UBE2Q2: variants seen among roughly 807,000 people sequenced by gnomAD.
UBE2Q2 encodes the protein ubiquitin-conjugating enzyme E2 Q2.
In UBE2Q2, 54 loss-of-function variants were observed where a neutral mutation model predicts 59.9. That is an observed-to-expected ratio of 0.90 (90% confidence interval 0.72 to 1.13). The LOEUF (loss-of-function observed/expected upper bound fraction) is 1.13, where lower values mean the gene tolerates loss of function less well. UBE2Q2 is among the 50% of genes most tolerant of loss of function. The pLI is 0.00. For missense variants in UBE2Q2, 433 were observed against 441.9 expected (o/e 0.98, Z 0.18); for synonymous variants, 165 against 155.2 (o/e 1.06, Z -0.47).
At chr15:75,864,157 C>G (rs1451563615) in intron 3 of UBE2Q2, among the ~76,000 whole-genome samples, 1 of 152,070 alleles carries the variant, frequency 6.6e-6, no homozygotes, top group African/African-American at 2.4e-5. Flanking sequence ...ATTTTTACTT[C>G]TATATTAAGT....
chr15:75,849,182 TGTC>T (rs1896508931), intron 1 of UBE2Q2, among the ~76,000 whole-genome samples: 3 of 152,242 alleles, frequency 2.0e-5, no homozygotes, highest in Admixed American at 2.0e-4. Flanking sequence ...TATCTTTTGT[TGTC>T]AGAGCAGTTA....
chr15:75,865,854 G>A (rs1897442263), intron 3 of UBE2Q2, among the ~76,000 whole-genome samples: 1 of 151,364 alleles, frequency 6.6e-6, no homozygotes, highest in African/African-American at 2.4e-5. Context: ...TGCATGGAGA[G>A]TGTCCCTTGA....
At chr15:75,891,436 C>A (rs941364606) in intron 11 of UBE2Q2, among the ~76,000 whole-genome samples, 1 of 146,906 alleles carries the variant, frequency 6.8e-6, no homozygotes, top group African/African-American at 2.5e-5. Flanking sequence ...AGGCTCTAGT[C>A]TTTTCATTTA....
Position 75,843,770 on chromosome 15 carries a change from A to G in UBE2Q2, c.104A>G (p.His35Arg), listed in dbSNP as rs754480489. ...RIVSWKLDEL[H>R]CQFLVPQQGS... ...GTCAGTTGGAAGCTGGACGAGCTGC[A>G]CTGCCAGTTCCTGGTGCCGCAGCAG... The change falls in exon 1 of 13, where the codon CAC becomes CGC. Residue 35 changes from histidine to arginine, a missense_variant. His to Arg is a conservative substitution (Grantham distance 29). Transcript: ENST00000267938. 1 of 1,610,272 alleles carries G rather than the reference A, an allele frequency of 6.2e-7. No homozygotes were observed. Among genetic ancestry groups the G allele is most frequent in the African/African-American group, 1.3e-5 (1 of 74,496 alleles).
chr15:75,846,362 C>T (rs992734564), intron 1 of UBE2Q2, among the ~76,000 whole-genome samples: 1 of 152,104 alleles, frequency 6.6e-6, no homozygotes, highest in East Asian at 1.9e-4. Context: ...CACCGCCTCC[C>T]GAGTAGCTGG....
At chr15:75,847,060 T>C (rs1896390361) in intron 1 of UBE2Q2, among the ~76,000 whole-genome samples, 1 of 152,224 alleles carries the variant, frequency 6.6e-6, no homozygotes. Context: ...GTCCTTACTA[T>C]TTTTGCTTTG....
At position 75,859,896 on chromosome 15, in the gene UBE2Q2, T is replaced by G. The variant is rs369728309; in HGVS notation, c.301T>G (p.Trp101Gly). Residue 101 changes from tryptophan to glycine, a missense_variant, in exon 3 of 13, where the codon TGG becomes GGG. Transcript: ENST00000267938. ...NNNLLRQQLK[W>G]LICELCSLYN... is the part of the protein sequence containing the mutation. Reference sequence around the variant, plus strand: ...TTTGTAGCTTCGTCAGCAATTGAAGTGGTTGATATGTGAACTCTGCAGTTT... The same window carrying G: ...TTTGTAGCTTCGTCAGCAATTGAAGGGGTTGATATGTGAACTCTGCAGTTT... 6.3e-7 allele frequency: 1 copy of G among 1,592,486 alleles called. No homozygotes were observed. The highest frequency in any genetic ancestry group is 8.5e-7 in the Non-Finnish European group (1 of 1,173,964).
At chr15:75,899,357 C>CT in intron 12 of UBE2Q2, 70 bp from the exon 13 acceptor site, 2 of 1,134,890 alleles carry the variant, frequency 1.8e-6, no homozygotes, top group Non-Finnish European at 2.4e-6. Context: ...TGTAGCTAAC[C>CT]TTATTACATG....
At position 75,901,048 on chromosome 15, in the gene UBE2Q2, TG is replaced by T. The variant is rs1479102246; in HGVS notation, c.*1591del. 2 of 152,670 alleles carry T rather than the reference TG, an allele frequency of 1.3e-5. No individual in the cohort carries two copies. The highest frequency in any genetic ancestry group is 2.9e-5 in the Non-Finnish European group (2 of 68,038). 9.5% of individuals were successfully genotyped at this position (152,670 alleles called of 1,614,324 possible). ...TGAATAAAGAACCATTTAAAAATTT[TG>T]TTTGTGCTGATCATGGCAAGCAAAA... On this transcript the variant is annotated 3_prime_UTR_variant, in exon 13 of 13. Coordinates refer to ENST00000267938, the MANE Select transcript of UBE2Q2 (RefSeq NM_173469.4).
intron 8 of UBE2Q2, among the ~76,000 whole-genome samples, chr15:75,879,874 C>G (rs1355661839): frequency 1.3e-5 from 2 of 151,898 alleles, no homozygotes; most frequent in East Asian, 1.9e-4. Flanking sequence ...GAAAACTGTC[C>G]AAGAACAAAG....
At chr15:75,874,706 CT>C (rs2141621058) in intron 5 of UBE2Q2, among the ~76,000 whole-genome samples, 1 of 152,276 alleles carries the variant, frequency 6.6e-6, no homozygotes, top group South Asian at 2.1e-4. Flanking sequence ...CAGTACATAC[CT>C]TTTGGATGAT....
intron 1 of UBE2Q2, among the ~76,000 whole-genome samples, chr15:75,853,822 G>A (rs1344870151): frequency 6.6e-6 from 1 of 152,154 alleles, no homozygotes; most frequent in South Asian, 2.1e-4. Flanking sequence ...GATGTTGGCA[G>A]GATTCATCTC....
chr15:75,877,183 A>AG (rs1567033619), intron 6 of UBE2Q2, among the ~76,000 whole-genome samples: 15 of 148,826 alleles, frequency 1.0e-4, no homozygotes, highest in African/African-American at 3.4e-4. Flanking sequence ...AAAAAAAAAA[A>AG]GGGTTATGAC....
intron 1 of UBE2Q2, 87 bp downstream of exon 1, chr15:75,843,933 G>A (rs1595843760): frequency 1.4e-6 from 2 of 1,429,208 alleles, no homozygotes; most frequent in South Asian, 1.5e-5. Flanking sequence ...AGCCTGCCCC[G>A]GAGAGGCTCC....
chr15:75,877,982 T>G lies in UBE2Q2; in HGVS notation c.695T>G (p.Ile232Arg), dbSNP rs1898180619. ...ACAGGGATTTATTCAGTGGAACTCATAAATGACAGTTTATATGACTGGCAT... is the reference window on the plus strand; with the variant it reads ...ACAGGGATTTATTCAGTGGAACTCAGAAATGACAGTTTATATGACTGGCAT... Reference protein sequence around the residue: ...YKTGIYSVELINDSLYDWHVK... With the variant: ...YKTGIYSVELRNDSLYDWHVK... Residue 232 changes from isoleucine to arginine, a missense_variant, in exon 7 of 13, where the codon ATA (isoleucine) becomes AGA (arginine). Coordinates refer to ENST00000267938, the MANE Select transcript of UBE2Q2 (RefSeq NM_173469.4). The G allele has an allele frequency of 6.2e-7, 1 of 1,613,628 alleles. No individual in the cohort carries two copies. Among genetic ancestry groups the G allele is most frequent in the Non-Finnish European group, 8.5e-7 (1 of 1,179,858 alleles).
chr15:75,895,807 T>C (rs1455126034), intron 11 of UBE2Q2, among the ~76,000 whole-genome samples: 1 of 152,190 alleles, frequency 6.6e-6, no homozygotes, highest in Non-Finnish European at 1.5e-5. Context: ...TGTGCAGTTA[T>C]GTAGAGGGCA....
chr15:75,872,233 A>AC (rs1230673328), intron 4 of UBE2Q2, among the ~76,000 whole-genome samples: 15 of 152,240 alleles, frequency 9.9e-5, no homozygotes, highest in African/African-American at 3.6e-4. Context: ...ATCTCAAAAA[A>AC]TAAAAAAATA....
At chr15:75,893,784 T>A (rs1899241469) in intron 11 of UBE2Q2, among the ~76,000 whole-genome samples, 1 of 152,232 alleles carries the variant, frequency 6.6e-6, no homozygotes, top group African/African-American at 2.4e-5. Flanking sequence ...CAAAAAGCTA[T>A]GTGAATTTGG....
intron 9 of UBE2Q2, among the ~76,000 whole-genome samples, chr15:75,885,420 G>A (rs1253766650): frequency 3.3e-5 from 5 of 152,130 alleles, no homozygotes; most frequent in Non-Finnish European, 5.9e-5. Flanking sequence ...CCCACCTAGT[G>A]GTTTGTTAAT....
Sources: gnomAD v4.1 joint callset for allele counts (sites outside exome capture counted in the v4.1 genomes callset) on GRCh38, gnomAD v4.1.1 for gene constraint, MANE v1.5 for transcripts, NCBI Gene and HGNC (gene_info 2026-07-23, HGNC 2026-07-21) for gene names.